The following RABGAP1 variants were observed in gnomAD, a reference collection of about 807,000 sequenced individuals.
The protein encoded by RABGAP1 is RAB GTPase activating protein 1.
Under a neutral mutation model 137.6 loss-of-function variants are expected in RABGAP1, and 23 were observed. The ratio of observed to expected loss-of-function variants is 0.17; its 90% CI spans 0.12 to 0.24. The LOEUF is 0.24. Ranked by LOEUF, RABGAP1 falls within the 10% of genes least tolerant of loss-of-function variation. The probability of loss-of-function intolerance (pLI) is 1.00; values close to 1 mark genes in which losing one functional copy is unlikely to be tolerated. For synonymous variants in RABGAP1, 451 were observed against 450.7 expected, an observed-to-expected ratio of 1.00 and a Z score of -0.01; for missense variants, 906 against 1,275.8, an observed-to-expected ratio of 0.71 and a Z score of 4.42.
intron 17 of RABGAP1, 124 bp downstream of exon 17, chr9:123,074,552 C>T (rs2034456027): frequency 1.9e-6 from 2 of 1,076,518 alleles, no homozygotes; most frequent in South Asian, 1.9e-5. Flanking sequence ...TATTTTATTG[C>T]TAGGAAATCT....
At chr9:123,096,432 A>G (rs550151295) in intron 21 of RABGAP1, among the ~76,000 whole-genome samples, 1 of 152,248 alleles carries the variant, frequency 6.6e-6, no homozygotes, top group South Asian at 2.1e-4. Flanking sequence ...ATTACCGAGG[A>G]CAAAGGGTAT....
At chr9:123,101,142 A>G (rs1171119795) in intron 24 of RABGAP1, among the ~76,000 whole-genome samples, 1 of 152,212 alleles carries the variant, frequency 6.6e-6, no homozygotes, top group African/African-American at 2.4e-5. Context: ...CCATTTTCCA[A>G]TGTTATAAAA....
intron 9 of RABGAP1, 123 bp from the exon 10 acceptor site, chr9:122,998,474 T>C (rs1837152990): frequency 2.6e-6 from 2 of 778,134 alleles, no homozygotes; most frequent in Non-Finnish European, 2.0e-6. Context: ...ACATGTTTAA[T>C]TGATGGTTCA....
At chr9:123,101,455 T>C (rs1338841668) in intron 24 of RABGAP1, 111 bp from the exon 25 acceptor site, 3 of 1,017,042 alleles carry the variant, frequency 2.9e-6, no homozygotes, top group Non-Finnish European at 4.2e-6. Context: ...TCAGAAACTG[T>C]AGTGCTCAAC....
At chr9:123,003,003 G>A (rs1328409830) in intron 10 of RABGAP1, among the ~76,000 whole-genome samples, 1 of 152,146 alleles carries the variant, frequency 6.6e-6, no homozygotes, top group Non-Finnish European at 1.5e-5. Context: ...TTGTGTTTGT[G>A]CGGGGATTTA....
At chr9:122,931,823 C>T in the RABGAP1 span, among the ~76,000 whole-genome samples, 2 of 152,244 alleles carry the variant, frequency 1.3e-5, no homozygotes, top group African/African-American at 2.4e-5. Context: ...GTAGCTGGGC[C>T]TAGACGGTCC....
chr9:122,951,458 T>C (rs964646878), intron 1 of RABGAP1, among the ~76,000 whole-genome samples: 2 of 152,184 alleles, frequency 1.3e-5, no homozygotes, highest in African/African-American at 4.8e-5. Flanking sequence ...AAACACTGAT[T>C]GTTCAAGAAC....
chr9:123,001,852 G>A (rs565265953), intron 10 of RABGAP1, among the ~76,000 whole-genome samples: 3 of 152,240 alleles, frequency 2.0e-5, no homozygotes, highest in East Asian at 1.9e-4. Flanking sequence ...TTATTGAGAA[G>A]GATTATACAA....
In RABGAP1 at chr9:122,989,371, A is replaced by G. The variant is rs146784057; in HGVS notation, c.665A>G (p.His222Arg). ...AAAATCCTCTTCTGTGTCAGAGGGC[A>G]TGATGGAACTCCTGAGAGTGACTGT... ...IYKILFCVRGHDGTPESDCFA... is the reference protein window; with the variant it reads ...IYKILFCVRGRDGTPESDCFA... The change falls in exon 5 of 26, where the codon CAT (histidine) becomes CGT (arginine). Residue 222 changes from histidine (H) to arginine (R), a missense_variant. His to Arg is a conservative substitution (Grantham distance 29). Transcript: ENST00000373647. 412 of 1,613,760 alleles carry G rather than the reference A, an allele frequency of 2.6e-4. No homozygotes were observed. The highest frequency in any genetic ancestry group is 3.4e-4 in the Non-Finnish European group (406 of 1,179,820).
chr9:123,088,904 G>A (rs938356531), intron 19 of RABGAP1, among the ~76,000 whole-genome samples: 15 of 152,166 alleles, frequency 9.9e-5, no homozygotes, highest in African/African-American at 3.4e-4. Context: ...TAGTTGGGGA[G>A]ATGTAAGACC....
chr9:123,019,976 G>A (rs938715611), intron 12 of RABGAP1, among the ~76,000 whole-genome samples: 3 of 151,544 alleles, frequency 2.0e-5, no homozygotes, highest in East Asian at 1.9e-4. Flanking sequence ...GAGCCACCGC[G>A]CCCGGCCATC....
intron 13 of RABGAP1, among the ~76,000 whole-genome samples, chr9:123,033,308 AGT>A (rs1326846334): frequency 1.3e-5 from 2 of 152,126 alleles, no homozygotes; most frequent in Non-Finnish European, 2.9e-5. Context: ...CCCCTCTGGT[AGT>A]GTGTTTCAGT....
At chr9:123,062,021 A>G (rs2033991463) in intron 13 of RABGAP1, 1 of 152,228 alleles carries the variant, frequency 6.6e-6, no homozygotes, top group Non-Finnish European at 1.5e-5. Flanking sequence ...CTGTAATCCC[A>G]ACACTTTGGG....
chr9:122,992,880 A>T (rs1022796622), intron 6 of RABGAP1, among the ~76,000 whole-genome samples: 1 of 151,446 alleles, frequency 6.6e-6, no homozygotes, highest in Non-Finnish European at 1.5e-5. Context: ...GGTTAACACA[A>T]CAGTACTTTA....
rs2031995375 is a variant in RABGAP1 at position 123,026,783 on chromosome 9, C to T, written c.1794+6324C>T. Among the ~76,000 whole-genome samples the T allele has an allele frequency of 1.3e-5, 2 of 152,206 alleles. 1 individual carries two copies. Among genetic ancestry groups the T allele is most frequent in the African/African-American group, 4.8e-5 (2 of 41,446 alleles). ...TCTTGTTCCCGGCTTCCAGAATCCTCTTCTGTCCCTTCTTTCTGATGGTTA... is the reference window on the plus strand; with the variant it reads ...TCTTGTTCCCGGCTTCCAGAATCCTTTTCTGTCCCTTCTTTCTGATGGTTA... On this transcript the variant is annotated intron_variant, in intron 13 of 25. Coordinates refer to ENST00000373647, the MANE Select transcript of RABGAP1 (RefSeq NM_012197.4).
At chr9:123,045,488 T>C (rs2033164328) in intron 13 of RABGAP1, among the ~76,000 whole-genome samples, 1 of 152,210 alleles carries the variant, frequency 6.6e-6, no homozygotes, top group Non-Finnish European at 1.5e-5. Flanking sequence ...ATTAACATCA[T>C]TTTATAATAC....
intron 19 of RABGAP1, among the ~76,000 whole-genome samples, chr9:123,080,797 T>C (rs1160007430): frequency 1.3e-5 from 2 of 152,232 alleles, no homozygotes; most frequent in African/African-American, 4.8e-5. Flanking sequence ...GCTCTGCAAC[T>C]CACTGAAATC....
At chr9:122,980,546 C>G (rs1835989750) in intron 2 of RABGAP1, among the ~76,000 whole-genome samples, 1 of 152,160 alleles carries the variant, frequency 6.6e-6, no homozygotes, top group African/African-American at 2.4e-5. Flanking sequence ...TTGGGAAAAT[C>G]AACAGTCTTC....
chr9:123,015,763 C>A, intron 12 of RABGAP1, 127 bp downstream of exon 12: 1 of 585,404 alleles, frequency 1.7e-6, no homozygotes, highest in East Asian at 3.0e-5. Context: ...ATTCTGTGAT[C>A]TATTTTAGGG....
Sources: allele counts gnomAD v4.1 joint callset (sites outside exome capture counted in the v4.1 genomes callset), GRCh38; gene constraint gnomAD v4.1.1; transcripts MANE v1.5; gene names NCBI Gene and HGNC (gene_info 2026-07-23, HGNC 2026-07-21).